The following TRPM6 variants were observed in gnomAD, a reference collection of about 807,000 sequenced individuals.
TRPM6 encodes transient receptor potential cation channel subfamily M member 6.
In TRPM6, 111 loss-of-function variants were observed where a neutral mutation model predicts 247.6. The ratio of observed to expected loss-of-function variants is 0.45; its 90% confidence interval spans 0.38 to 0.52. TRPM6 has a LOEUF of 0.52. Ranked by LOEUF, TRPM6 falls within the 20% of genes least tolerant of loss-of-function variation. TRPM6 has a pLI of 0.00. For synonymous variants in TRPM6, 892 were observed against 853.8 expected, an observed-to-expected ratio of 1.04 and a Z score of -0.78; for missense variants, 2,126 against 2,421.5, an observed-to-expected ratio of 0.88 and a Z score of 2.56.
At chr9:74,811,338 T>C (rs1167548785) in intron 12 of TRPM6, among the ~76,000 whole-genome samples, 1 of 152,210 alleles carries the variant, frequency 6.6e-6, no homozygotes, top group Non-Finnish European at 1.5e-5. Context: ...CAAAAAGAGT[T>C]ACAAATAATT....
intron 30 of TRPM6, among the ~76,000 whole-genome samples, chr9:74,748,603 A>G (rs1335470732): frequency 6.6e-6 from 1 of 152,186 alleles, no homozygotes; most frequent in Non-Finnish European, 1.5e-5. Flanking sequence ...AAAGTGTAAG[A>G]AGTGAAAATA....
chr9:74,794,925 T>G (rs1263478030), intron 18 of TRPM6, among the ~76,000 whole-genome samples: 1 of 141,318 alleles, frequency 7.1e-6, no homozygotes, highest in African/African-American at 2.6e-5. Context: ...ATACACAGAT[T>G]AAAATTATGA....
At chr9:74,830,843 G>A (rs539203385) in intron 6 of TRPM6, among the ~76,000 whole-genome samples, 16 of 128,184 alleles carry the variant, frequency 1.2e-4, no homozygotes, top group Admixed American at 4.1e-4. Context: ...GCAATCCGCC[G>A]GCCTCGGCCT....
At chr9:74,766,891 C>A (rs1826844958) in intron 25 of TRPM6, among the ~76,000 whole-genome samples, 2 of 152,006 alleles carry the variant, frequency 1.3e-5, no homozygotes, top group African/African-American at 2.4e-5. Flanking sequence ...GCCTAGGCAA[C>A]AAGAGCGAAA....
At chr9:74,770,061 C>G (rs1826979245) in intron 25 of TRPM6, among the ~76,000 whole-genome samples, 1 of 152,132 alleles carries the variant, frequency 6.6e-6, no homozygotes, top group Admixed American at 6.5e-5. Context: ...TTTGTGGACT[C>G]AATCTTTGAT....
intron 9 of TRPM6, among the ~76,000 whole-genome samples, chr9:74,819,360 T>C (rs775081852): frequency 3.0e-4 from 46 of 151,764 alleles, no homozygotes; most frequent in African/African-American, 1.1e-3. Flanking sequence ...ATTTTGTTCA[T>C]AGGCTGGCCA....
intron 36 of TRPM6, among the ~76,000 whole-genome samples, chr9:74,737,902 C>A (rs1455789143): frequency 6.6e-6 from 1 of 152,176 alleles, no homozygotes; most frequent in South Asian, 2.1e-4. Flanking sequence ...AGGAGATGTG[C>A]TGACCAAAGG....
intron 1 of TRPM6, chr9:74,887,206 G>A (rs1374040773): frequency 3.2e-6 from 4 of 1,249,318 alleles, no homozygotes; most frequent in Non-Finnish European, 2.0e-6. Context: ...GGAAGGAAGC[G>A]GACTGCGGCG....
chr9:74,866,064 G>C (rs912043788), intron 1 of TRPM6, among the ~76,000 whole-genome samples: 1 of 152,196 alleles, frequency 6.6e-6, no homozygotes, highest in Non-Finnish European at 1.5e-5. Flanking sequence ...ACTTTGGGAG[G>C]CCATGGCTAG....
Position 74,747,320 on chromosome 9 carries a change from G to C in TRPM6, c.5083+569C>G, listed in dbSNP as rs539857641. 4.6e-5 allele frequency among the ~76,000 whole-genome samples: 7 copies of C among 152,236 alleles called. No homozygotes were observed. In the South Asian group the frequency reaches 1.5e-3, roughly 32 times the overall value. ...GAAGGAATCAACTGCAAAGGAGGTG[G>C]GGGAGTACTGGAAACCCAAGAAAGT... On this transcript the variant is annotated intron_variant, in intron 31 of 38. Coordinates refer to ENST00000360774, the MANE Select transcript of TRPM6 (RefSeq NM_017662.5).
chr9:74,767,441 A>G (rs1419544447), intron 25 of TRPM6, among the ~76,000 whole-genome samples: 1 of 152,208 alleles, frequency 6.6e-6, no homozygotes, highest in East Asian at 1.9e-4. Flanking sequence ...ACTTGATTCG[A>G]GAAGGATATA....
intron 17 of TRPM6, among the ~76,000 whole-genome samples, chr9:74,798,715 C>T (rs1828190098): frequency 6.6e-6 from 1 of 152,140 alleles, no homozygotes. Context: ...CTAAAACTCA[C>T]CAACCAAGCA....
At chr9:74,821,260 C>T (rs907942366) in intron 8 of TRPM6, among the ~76,000 whole-genome samples, 1 of 152,120 alleles carries the variant, frequency 6.6e-6, no homozygotes, top group Non-Finnish European at 1.5e-5. Context: ...ATGAAAATGT[C>T]AGGATGTAGA....
chr9:74,828,083 G>GCCACCATGCC, intron 6 of TRPM6, 134 bp from the exon 7 acceptor site: 2 of 916,786 alleles, frequency 2.2e-6, no homozygotes, highest in East Asian at 2.5e-5. Context: ...GCCAGGCATG[G>GCCACCATGCC]TGGCTCATGC....
intron 1 of TRPM6, among the ~76,000 whole-genome samples, chr9:74,871,854 CTTT>C (rs796954772): frequency 4.3e-5 from 6 of 140,582 alleles, no homozygotes; most frequent in Admixed American, 7.2e-5. Context: ...TCAGTAGTAA[CTTT>C]TTTTTTTTTT....
At position 74,838,363 on chromosome 9, in the gene TRPM6, G is replaced by A. The variant is rs540474236; in HGVS notation, c.544+1661C>T. On this transcript the variant is annotated intron_variant, in intron 5 of 38. Transcript: ENST00000360774. ...GCCAACTTCAGTTTCTTCCAAGAATGTGAAACAATCTCTATAAAATATGTA... is the reference window on the plus strand; with the variant it reads ...GCCAACTTCAGTTTCTTCCAAGAATATGAAACAATCTCTATAAAATATGTA... 1.8e-4 allele frequency among the ~76,000 whole-genome samples: 27 copies of A among 152,332 alleles called. No homozygotes were observed. The South Asian group carries it at 5.2e-3, about 29-fold the overall frequency.
rs144254461 is a variant in TRPM6, at chr9:74,811,841, A to G, written c.1443+458T>C. ...GTAGTAAGAATAATTTACTGACAACAGTATAGATTTTGAAAAAGGAACGTT... is the reference window on the plus strand; with the variant it reads ...GTAGTAAGAATAATTTACTGACAACGGTATAGATTTTGAAAAAGGAACGTT... On this transcript the variant is annotated intron_variant, in intron 12 of 38. Coordinates refer to ENST00000360774, the MANE Select transcript of TRPM6 (RefSeq NM_017662.5). 4.2e-3 allele frequency among the ~76,000 whole-genome samples: 635 copies of G among 152,354 alleles called. 4 individuals carry two copies. Among genetic ancestry groups the G allele is most frequent in the African/African-American group, 0.014 (600 of 41,574 alleles).
rs756813454 is a variant in TRPM6, at chr9:74,840,148, G to T, written c.420C>A (p.Ile140=). The change falls in exon 5 of 39, where the codon ATC becomes ATA. Residue 140 remains isoleucine, a synonymous_variant. Coordinates refer to ENST00000360774, the MANE Select transcript of TRPM6 (RefSeq NM_017662.5). ...AGTTCTGGATGCCCCCATGGACTGA[G>T]ATCACAAGCTTGGGCAGTTCCATTT... is the stretch of plus-strand genomic sequence containing the variant. ...EWKMELPKLV[I]SVHGGIQNFT... The T allele has an allele frequency of 6.2e-7, 1 of 1,613,954 alleles. No individual in the cohort carries two copies. Among genetic ancestry groups the T allele is most frequent in the Admixed American group, 1.7e-5 (1 of 60,022 alleles).
chr9:74,761,953 C>A, intron 26 of TRPM6, 46 bp downstream of exon 26: 1 of 1,585,620 alleles, frequency 6.3e-7, no homozygotes, highest in Non-Finnish European at 8.7e-7. Flanking sequence ...AAACCAGTAG[C>A]AATGCAAAGG....
Sources: allele counts gnomAD v4.1 joint callset (sites outside exome capture counted in the v4.1 genomes callset), GRCh38; gene constraint gnomAD v4.1.1; transcripts MANE v1.5; gene names NCBI Gene and HGNC (gene_info 2026-07-23, HGNC 2026-07-21).